Variants in FERMT3 observed in about 807,000 individuals in gnomAD.
FERMT3 encodes fermitin family homolog 3.
FERMT3 carries 33 observed loss-of-function variants against 80.8 expected under a neutral mutation model. The ratio of observed to expected loss-of-function variants is 0.41; its 90% CI spans 0.31 to 0.55. The LOEUF (loss-of-function observed/expected upper bound fraction) is 0.55. FERMT3 is among the 20% of genes least tolerant of loss of function. The probability of loss-of-function intolerance (pLI) is 0.31; values close to 1 mark genes in which losing one functional copy is unlikely to be tolerated. For missense variants in FERMT3, 754 were observed against 908.7 expected (o/e 0.83, Z 2.19); for synonymous variants, 375 against 372.2 (o/e 1.01, Z -0.09).
Position 64,223,063 on chromosome 11 carries a change from G to A in FERMT3, c.1686G>A (p.Arg562=), listed in dbSNP as rs1052912357. ...SYVMVRFKGS[R]KDEILGIANN... is the part of the protein sequence containing the mutation. ...TGGGGGCCAGGTTCAAGGGCAGCAG[G>A]AAAGACGAGATCCTGGGCATCGCCA... The change falls in exon 14 of 15, where the codon AGG becomes AGA. Residue 562 remains arginine, a synonymous_variant. Transcript: ENST00000345728. 3 of 1,613,594 alleles carry A rather than the reference G, an allele frequency of 1.9e-6. No homozygotes were observed. The African/African-American group carries it at 4.0e-5, about 22-fold the overall frequency.
Position 64,211,045 on chromosome 11 carries a change from C to G in FERMT3, c.395-7C>G. 1 of 1,603,268 alleles carries G rather than the reference C, an allele frequency of 6.2e-7. No homozygotes were observed. Among genetic ancestry groups the G allele is most frequent in the Admixed American group, 1.7e-5 (1 of 58,800 alleles). ...CTAGTCCCCGCTGAGACCCTAGCTC[C>G]CCTCAGGCATCCGGCACCCCGAGGA... On this transcript the variant is annotated splice_region_variant and splice_polypyrimidine_tract_variant and intron_variant, in intron 3 of 14. Coordinates refer to ENST00000345728, the MANE Select transcript of FERMT3 (RefSeq NM_031471.6). The surrounding 1 kb of genome is among the most constrained non-coding windows in gnomAD (Gnocchi z 4.7).
At chr11:64,213,220 A>G (rs1946480728) in intron 6 of FERMT3, among the ~76,000 whole-genome samples, 1 of 151,648 alleles carries the variant, frequency 6.6e-6, no homozygotes, top group South Asian at 2.1e-4. Flanking sequence ...GTAGAGATGG[A>G]GTTTCACCAT....
At position 64,219,882 on chromosome 11, in the gene FERMT3, C is replaced by A. The variant is rs1027548745; in HGVS notation, c.1080-9C>A. ...GGCGGCCTTTCACAAACCCCAGCAT[C>A]CCACGAAGGCCCCGGAAGCTGACCC... On this transcript the variant is annotated splice_polypyrimidine_tract_variant and intron_variant, in intron 9 of 14. Coordinates refer to ENST00000345728, the MANE Select transcript of FERMT3 (RefSeq NM_031471.6). This position sits in a 1 kb window ranked among gnomAD's most constrained non-coding sequence, Gnocchi z 4.0. 1 of 1,613,796 alleles carries A rather than the reference C, an allele frequency of 6.2e-7. No individual in the cohort carries two copies. Among genetic ancestry groups the A allele is most frequent in the African/African-American group, 1.3e-5 (1 of 74,910 alleles).
intron 1 of FERMT3, among the ~76,000 whole-genome samples, 189 bp from the exon 2 acceptor site, chr11:64,207,162 C>G (rs139272601): frequency 6.6e-6 from 1 of 152,302 alleles, no homozygotes; most frequent in South Asian, 2.1e-4. Flanking sequence ...AGGGCCCTCG[C>G]GGCTCAAGCG....
At position 64,209,013 on chromosome 11, in the gene FERMT3, G is replaced by A. The variant is rs116711660; in HGVS notation, c.160+1489G>A. The stretch of plus-strand genomic sequence containing the variant: ...AGAGACACCAGGGCCTCCTAAGGCC[G>A]GGCAGGGAGGATGGAGAGGAGGGTG... On this transcript the variant is annotated intron_variant, in intron 2 of 14. Transcript: ENST00000345728. Among the ~76,000 whole-genome samples the A allele has an allele frequency of 2.2e-3, 340 of 152,252 alleles. 2 individuals are homozygous for A. Among genetic ancestry groups the A allele is most frequent in the African/African-American group, 7.2e-3 (301 of 41,552 alleles).
In FERMT3 at chr11:64,223,069, C is replaced by G. The variant is rs200243967; in HGVS notation, c.1692C>G (p.Asp564Glu). The G allele has an allele frequency of 2.5e-6, 4 of 1,613,604 alleles. No individual in the cohort carries two copies. In the African/African-American group the frequency reaches 4.0e-5, roughly 16 times the overall value. ...CCAGGTTCAAGGGCAGCAGGAAAGA[C>G]GAGATCCTGGGCATCGCCAACAACC... ...VMVRFKGSRKDEILGIANNRL... is the reference protein window; with the variant it reads ...VMVRFKGSRKEEILGIANNRL... Residue 564 changes from aspartate (D) to glutamate (E), a missense_variant, in exon 14 of 15, where the codon GAC becomes GAG. Coordinates refer to ENST00000345728, the MANE Select transcript of FERMT3 (RefSeq NM_031471.6).
chr11:64,220,845 C>T, intron 12 of FERMT3, 171 bp from the exon 13 acceptor site: 1 of 1,355,792 alleles, frequency 7.4e-7, no homozygotes. Context: ...GTCCAGGTGC[C>T]CATGTCCACC....
In FERMT3 at chr11:64,211,487, C is replaced by T. The variant is rs1024750894; in HGVS notation, c.683+44C>T. ...CCCCCTGTGTCAGGGCTCCCCCACC[C>T]AGGATCCACCCCCTGTCCCGTGTCT... On this transcript the variant is annotated intron_variant, in intron 5 of 14. Coordinates refer to ENST00000345728, the MANE Select transcript of FERMT3 (RefSeq NM_031471.6). This position sits in a 1 kb window ranked among gnomAD's most constrained non-coding sequence, Gnocchi z 4.7. 3.2e-6 allele frequency: 5 copies of T among 1,543,666 alleles called. No individual in the cohort carries two copies. Among genetic ancestry groups the T allele is most frequent in the Admixed American group, 3.8e-5 (2 of 52,040 alleles).
Position 64,211,746 on chromosome 11 carries a change from A to G in FERMT3, c.785A>G (p.Lys262Arg). The change falls in exon 6 of 15, where the codon AAG (lysine) becomes AGG (arginine). Residue 262 changes from lysine to arginine, a missense_variant and splice_region_variant. By Grantham distance (26) the Lys-to-Arg change is conservative (BLOSUM62 2). Transcript: ENST00000345728. The surrounding 1 kb of genome is among the most constrained non-coding windows in gnomAD (Gnocchi z 4.7). ...TACAGCTTCTTCGATTTGGATCCCAAGGTGGGTCGGGGCAGGGAGAAAGCG... is the reference window on the plus strand; with the variant it reads ...TACAGCTTCTTCGATTTGGATCCCAGGGTGGGTCGGGGCAGGGAGAAAGCG... ...KYYSFFDLDP[K>R]TDPVRLTQLY... 2 of 1,614,036 alleles carry G rather than the reference A, an allele frequency of 1.2e-6. No homozygotes were observed. Among genetic ancestry groups the G allele is most frequent in the Non-Finnish European group, 1.7e-6 (2 of 1,179,990 alleles).
chr11:64,215,230 C>T (rs1946524872), intron 6 of FERMT3, among the ~76,000 whole-genome samples: 1 of 152,236 alleles, frequency 6.6e-6, no homozygotes, highest in South Asian at 2.1e-4. Flanking sequence ...CATTCCTCCT[C>T]CCACACCCCG....
At position 64,207,486 on chromosome 11, in the gene FERMT3, A is replaced by G; in HGVS notation, c.122A>G (p.His41Arg). ...SVTLRVTGESHIGGVLLKIVE... is the reference protein window; with the variant it reads ...SVTLRVTGESRIGGVLLKIVE... ...ACCCTGCGGGTCACTGGGGAGTCGCACATCGGCGGGGTGCTCCTGAAGATT... is the reference window on the plus strand; with the variant it reads ...ACCCTGCGGGTCACTGGGGAGTCGCGCATCGGCGGGGTGCTCCTGAAGATT... Residue 41 changes from histidine to arginine, a missense_variant, in exon 2 of 15, where the codon CAC becomes CGC. Transcript: ENST00000345728. 1 of 1,613,740 alleles carries G rather than the reference A, an allele frequency of 6.2e-7. No individual in the cohort carries two copies. Among genetic ancestry groups the G allele is most frequent in the South Asian group, 1.1e-5 (1 of 91,050 alleles).
intron 2 of FERMT3, 183 bp downstream of exon 2, chr11:64,207,707 T>C: frequency 1.5e-6 from 1 of 670,584 alleles, no homozygotes; most frequent in Non-Finnish European, 2.4e-6. Context: ...CCTCCCACCC[T>C]CTTCCCTCCC....
Position 64,211,475 on chromosome 11 carries a change from G to C in FERMT3, c.683+32G>C, listed in dbSNP as rs758246604. The stretch of plus-strand genomic sequence containing the variant: ...CCAGGAGCCACGCCCCCTGTGTCAG[G>C]GCTCCCCCACCCAGGATCCACCCCC... On this transcript the variant is annotated intron_variant, in intron 5 of 14. Coordinates refer to ENST00000345728, the MANE Select transcript of FERMT3 (RefSeq NM_031471.6). The surrounding 1 kb of genome is among the most constrained non-coding windows in gnomAD (Gnocchi z 4.7). The C allele has an allele frequency of 2.6e-6, 4 of 1,556,240 alleles. No homozygotes were observed. Among genetic ancestry groups the C allele is most frequent in the South Asian group, 1.2e-5 (1 of 85,834 alleles).
chr11:64,222,240 C>CAAATAAATAAATAAAT (rs56402636), intron 13 of FERMT3, among the ~76,000 whole-genome samples: 8 of 137,242 alleles, frequency 5.8e-5, no homozygotes, highest in Non-Finnish European at 1.2e-4. Flanking sequence ...GACTCAGTCT[C>CAAATAAATAAATAAAT]AAATAAATAA....
chr11:64,219,653 G>A lies in FERMT3; in HGVS notation c.1024G>A (p.Val342Met), dbSNP rs752432697. 6.2e-7 allele frequency: 1 copy of A among 1,613,752 alleles called. No individual in the cohort carries two copies. ...GCTGGAGGGGTCGGCGCCCACAGAT[G>A]TGCTGGTGAGGAGGGGCTCAGGGCA... Reference protein sequence around the residue: ...VKLEGSAPTDVLDSLTTIPEL... With the variant: ...VKLEGSAPTDMLDSLTTIPEL... Residue 342 changes from valine to methionine, a missense_variant, in exon 8 of 15, where the codon GTG becomes ATG. Transcript: ENST00000345728. The surrounding 1 kb of genome is among the most constrained non-coding windows in gnomAD (Gnocchi z 4.0).
At position 64,211,202 on chromosome 11, in the gene FERMT3, T is replaced by C. The variant is rs1591027633; in HGVS notation, c.514+31T>C. On this transcript the variant is annotated intron_variant, in intron 4 of 14. Coordinates refer to ENST00000345728, the MANE Select transcript of FERMT3 (RefSeq NM_031471.6). The surrounding 1 kb of genome is among the most constrained non-coding windows in gnomAD (Gnocchi z 4.7). ...TGCAAGTGGGGGTGGGCCTGGGGGG[T>C]TGGGGGCAGGGGCCGGCCCGTGAGT... 2.3e-6 allele frequency: 3 copies of C among 1,292,960 alleles called. No homozygotes were observed. Among genetic ancestry groups the C allele is most frequent in the East Asian group, 3.6e-5 (1 of 27,938 alleles). The allele number at this position is 1,292,960 out of a possible 1,614,324, so 80.1% of individuals were successfully genotyped here.
At chr11:64,212,853 G>A (rs1225181831) in intron 6 of FERMT3, among the ~76,000 whole-genome samples, 1 of 151,906 alleles carries the variant, frequency 6.6e-6, no homozygotes, top group Non-Finnish European at 1.5e-5. Context: ...ATCATCTCCA[G>A]CTCAGATGTC....
In FERMT3 at chr11:64,222,321, C is replaced by G. The variant is rs543502509; in HGVS notation, c.1671-727C>G. Among the ~76,000 whole-genome samples, 8 of 151,204 alleles carry G rather than the reference C, an allele frequency of 5.3e-5. No homozygotes were observed. In the South Asian group the frequency reaches 1.7e-3, roughly 32 times the overall value. ...ATGGCTCATGCCTGTAATCCCAGCA[C>G]TTTGGGAGGCCAAGGCAGGCAGATC... On this transcript the variant is annotated intron_variant, in intron 13 of 14. Transcript: ENST00000345728.
At chr11:64,213,997 C>T (rs1020986720) in intron 6 of FERMT3, among the ~76,000 whole-genome samples, 1 of 152,202 alleles carries the variant, frequency 6.6e-6, no homozygotes, top group African/African-American at 2.4e-5. Context: ...CCACACAATA[C>T]ACACATTTCC....
Sources: gnomAD v4.1 joint callset for allele counts (sites outside exome capture counted in the v4.1 genomes callset) on GRCh38, gnomAD v4.1.1 for gene constraint, Gnocchi (gnomAD v3.1) non-coding constraint, MANE v1.5 for transcripts, NCBI Gene and HGNC (gene_info 2026-07-23, HGNC 2026-07-21) for gene names.